SH2D4B: variants seen among roughly 807,000 people sequenced by gnomAD.
The protein encoded by SH2D4B is SH2 domain-containing protein 4B.
SH2D4B carries 45 observed loss-of-function variants against 61.5 expected under a neutral mutation model. That is an observed-to-expected ratio of 0.73 (90% CI 0.58 to 0.94). The LOEUF is 0.94. Ranked by LOEUF, SH2D4B falls within the 40% of genes least tolerant of loss-of-function variation. The pLI, the probability that SH2D4B is intolerant of heterozygous loss-of-function variation, is 0.00. For missense variants in SH2D4B, 572 were observed against 574.2 expected, an observed-to-expected ratio of 1.00 and a Z score of 0.04; for synonymous variants, 224 against 220.4, an observed-to-expected ratio of 1.02 and a Z score of -0.14.
chr10:80,551,306 G>A (rs553340818), intron 1 of SH2D4B, among the ~76,000 whole-genome samples: 54 of 152,082 alleles, frequency 3.6e-4, no homozygotes, highest in African/African-American at 6.5e-4. Flanking sequence ...TGCCTGCCTC[G>A]GCCTCCCAAA....
At chr10:80,597,252 C>T (rs1324535629) in intron 4 of SH2D4B, among the ~76,000 whole-genome samples, 2 of 152,198 alleles carry the variant, frequency 1.3e-5, no homozygotes, top group Non-Finnish European at 2.9e-5. Flanking sequence ...TGAGCTCCTA[C>T]TGTATGCCAA....
chr10:80,638,711 A>G (rs948104870), intron 7 of SH2D4B, among the ~76,000 whole-genome samples: 9 of 151,944 alleles, frequency 5.9e-5, no homozygotes, highest in Non-Finnish European at 1.0e-4. Flanking sequence ...TGGTCTATCA[A>G]TTTTGTCGAT....
At chr10:80,581,308 C>G (rs1472470592) in intron 3 of SH2D4B, among the ~76,000 whole-genome samples, 1 of 152,148 alleles carries the variant, frequency 6.6e-6, no homozygotes, top group Non-Finnish European at 1.5e-5. Context: ...GCCACTTATC[C>G]ACCATAGGCC....
At chr10:80,588,521 A>G in intron 3 of SH2D4B, 109 bp from the exon 4 acceptor site, 2 of 1,393,566 alleles carry the variant, frequency 1.4e-6, no homozygotes, top group Non-Finnish European at 2.0e-6. Flanking sequence ...TGGAGAGGCC[A>G]CTGCTGCACT....
At chr10:80,634,563 A>AAG in intron 7 of SH2D4B, 58 bp downstream of exon 7, 1 of 1,536,242 alleles carries the variant, frequency 6.5e-7, no homozygotes, top group Non-Finnish European at 8.8e-7. Flanking sequence ...ATTGGAGCTG[A>AAG]AGAGAGAGCT....
chr10:80,539,307 G>C lies in SH2D4B; in HGVS notation c.184+792G>C, dbSNP rs916223835. Among the ~76,000 whole-genome samples, 1 of 152,226 alleles carries C rather than the reference G, an allele frequency of 6.6e-6. No individual in the cohort carries two copies. Among genetic ancestry groups the C allele is most frequent in the Non-Finnish European group, 1.5e-5 (1 of 68,036 alleles). On this transcript the variant is annotated intron_variant, in intron 1 of 7. Transcript: ENST00000646907. The surrounding 1 kb of genome is among the most constrained non-coding windows in gnomAD (Gnocchi z 4.9). ...AGGGATTGTAGTTTCTGTGGATGCT[G>C]CATGCACTTTACAGTTTGCAAGGCT...
intron 6 of SH2D4B, among the ~76,000 whole-genome samples, chr10:80,633,871 T>A (rs903398034): frequency 1.3e-5 from 2 of 152,244 alleles, no homozygotes; most frequent in African/African-American, 4.8e-5. Context: ...GAGTTAGTCA[T>A]CAGCAGCCAT....
chr10:80,549,533 G>A (rs894202347), intron 1 of SH2D4B, among the ~76,000 whole-genome samples: 1 of 152,164 alleles, frequency 6.6e-6, no homozygotes, highest in Non-Finnish European at 1.5e-5. Context: ...CATCTGTAAT[G>A]GGCACGGTCT....
chr10:80,603,612 G>A lies in SH2D4B; in HGVS notation c.677G>A (p.Ser226Asn), dbSNP rs778156112. The A allele has an allele frequency of 5.1e-6, 8 of 1,574,724 alleles. No homozygotes were observed. Among genetic ancestry groups the A allele is most frequent in the African/African-American group, 1.3e-5 (1 of 74,336 alleles). ...RRSKAADEER[S>N]RRAQRARDEY... ...TCCAAGGCGGCTGATGAGGAGAGGA[G>A]CCGCCGAGCCCAGCGCGCCCGGGAC... Residue 226 changes from serine to asparagine, a missense_variant, in exon 5 of 8, where the codon AGC becomes AAC. By Grantham distance (46) the Ser-to-Asn change is conservative. Transcript: ENST00000646907.
intron 1 of SH2D4B, among the ~76,000 whole-genome samples, chr10:80,563,808 G>A (rs1306058098): frequency 1.3e-5 from 2 of 152,128 alleles, no homozygotes; most frequent in East Asian, 3.8e-4. Context: ...TATGTGCTGA[G>A]TTAACTCTCC....
chr10:80,619,570 C>T (rs1407682191), intron 6 of SH2D4B, among the ~76,000 whole-genome samples: 1 of 152,248 alleles, frequency 6.6e-6, no homozygotes, highest in Non-Finnish European at 1.5e-5. Flanking sequence ...TAACTCTGTT[C>T]ACTTCTGCCA....
chr10:80,619,718 C>T (rs1564785616), intron 6 of SH2D4B, among the ~76,000 whole-genome samples: 1 of 152,212 alleles, frequency 6.6e-6, no homozygotes, highest in Non-Finnish European at 1.5e-5. Context: ...TTCCATCTGA[C>T]CACTTAAGAG....
chr10:80,550,740 C>T (rs181556224), intron 1 of SH2D4B, among the ~76,000 whole-genome samples: 2 of 152,258 alleles, frequency 1.3e-5, no homozygotes, highest in East Asian at 3.9e-4. Context: ...GGTATTATTT[C>T]CATTTTAGTT....
In SH2D4B at chr10:80,572,913, C is replaced by G. The variant is rs1428017836; in HGVS notation, c.495+1335C>G. On this transcript the variant is annotated intron_variant, in intron 3 of 7. Transcript: ENST00000646907. ...GATTATGGGTGTGAGCCACTGCACC[C>G]GACCAATGTTGGCCTTTTCATGTAT... Among the ~76,000 whole-genome samples, 41 of 125,302 alleles carry G rather than the reference C, an allele frequency of 3.3e-4. 1 individual carries two copies. Among genetic ancestry groups the G allele is most frequent in the African/African-American group, 1.2e-3 (40 of 33,966 alleles). The allele number at this position is 125,302 out of a possible 152,430, so 82.2% of individuals were successfully genotyped here.
intron 1 of SH2D4B, among the ~76,000 whole-genome samples, chr10:80,553,064 C>T (rs1276786985): frequency 6.6e-6 from 1 of 152,004 alleles, no homozygotes; most frequent in African/African-American, 2.4e-5. Context: ...TACAGGTGCC[C>T]GCCACCACAC....
chr10:80,644,264 C>A lies in SH2D4B; in HGVS notation c.*179C>A, dbSNP rs1840358310. The A allele has an allele frequency of 5.3e-6, 3 of 569,934 alleles. No individual in the cohort carries two copies. Among genetic ancestry groups the A allele is most frequent in the Non-Finnish European group, 3.1e-6 (1 of 322,376 alleles). The allele number at this position is 569,934 out of a possible 1,614,324, so 35.3% of individuals were successfully genotyped here. On this transcript the variant is annotated 3_prime_UTR_variant, in exon 8 of 8. Transcript: ENST00000646907. Reference sequence around the variant, plus strand: ...CATAGGGCTACTGGTCTCATCCCAGCGATCGGGACAGAAATTGCTAATAGC... The same window carrying A: ...CATAGGGCTACTGGTCTCATCCCAGAGATCGGGACAGAAATTGCTAATAGC...
chr10:80,627,977 G>A (rs1284649890), intron 6 of SH2D4B, among the ~76,000 whole-genome samples: 1 of 152,202 alleles, frequency 6.6e-6, no homozygotes, highest in East Asian at 1.9e-4. Context: ...CCCTTAGCCA[G>A]GCCCAGTCAT....
chr10:80,569,505 T>C (rs949772021), intron 1 of SH2D4B, among the ~76,000 whole-genome samples: 1 of 134,162 alleles, frequency 7.5e-6, no homozygotes, highest in African/African-American at 2.8e-5. Flanking sequence ...TAAGCTAATA[T>C]GAATTTTGGG....
intron 1 of SH2D4B, among the ~76,000 whole-genome samples, chr10:80,542,427 T>C (rs2132100071): frequency 6.8e-6 from 1 of 146,072 alleles, no homozygotes; most frequent in South Asian, 2.2e-4. Flanking sequence ...AGACAGAATC[T>C]CACTCTATTG....
Sources: allele counts gnomAD v4.1 joint callset (sites outside exome capture counted in the v4.1 genomes callset), GRCh38; gene constraint gnomAD v4.1.1; non-coding constraint Gnocchi (gnomAD v3.1); transcripts MANE v1.5; gene names NCBI Gene and HGNC (gene_info 2026-07-23, HGNC 2026-07-21).